CARMIL3: variants seen among roughly 807,000 people sequenced by gnomAD.
CARMIL3 encodes the protein capping protein regulator and myosin 1 linker 3, also known as capping protein, Arp2/3 and myosin-I linker protein 3.
A neutral mutation model predicts 180.8 loss-of-function variants in CARMIL3; 88 were observed. The ratio of observed to expected loss-of-function variants is 0.49; its 90% CI spans 0.41 to 0.58. CARMIL3 has a LOEUF of 0.58. CARMIL3 is among the 20% of genes least tolerant of loss of function. The pLI, the probability that CARMIL3 is intolerant of heterozygous loss-of-function variation, is 0.00. For synonymous variants in CARMIL3, 696 were observed against 714.5 expected, an observed-to-expected ratio of 0.97 and a Z score of 0.41; for missense variants, 1,548 against 1,787.0, an observed-to-expected ratio of 0.87 and a Z score of 2.41.
Position 24,063,487 on chromosome 14 carries a change from G to A in CARMIL3, c.2933G>A (p.Arg978Lys). 1 of 1,613,636 alleles carries A rather than the reference G, an allele frequency of 6.2e-7. No homozygotes were observed. The highest frequency in any genetic ancestry group is 1.1e-5 in the South Asian group (1 of 91,072). Residue 978 changes from arginine to lysine, a missense_variant, in exon 31 of 40, where the codon AGG (arginine) becomes AAG (lysine). Around this residue, in one of 4 missense-constraint regions of CARMIL3, gnomAD observed 668 missense variants for 687.8 expected, o/e 0.97. Coordinates refer to ENST00000342740, the MANE Select transcript of CARMIL3 (RefSeq NM_138360.4). ...AAACTAAGGCATCAAACACAAGGGA[G>A]GCCCCGCCCCCCCAGGACCACACCT... ...GYKLRHQTQG[R>K]PRPPRTTPPG...
rs2035844861 is a variant in CARMIL3, at chr14:24,069,663, G to A, written c.*259G>A. 3.5e-6 allele frequency: 2 copies of A among 564,668 alleles called. No homozygotes were observed. Among genetic ancestry groups the A allele is most frequent in the Non-Finnish European group, 6.3e-6 (2 of 316,250 alleles). 35.0% of individuals were successfully genotyped at this position (564,668 alleles called of 1,614,324 possible). On this transcript the variant is annotated 3_prime_UTR_variant, in exon 40 of 40. Transcript: ENST00000342740. ...GGCTTATCTCCTCCCCCAGGAGGGT[G>A]GATCTCTGTCCCTCTATCCCCAGGG... is the stretch of plus-strand genomic sequence containing the variant.
At position 24,063,646 on chromosome 14, in the gene CARMIL3, G is replaced by A. The variant is rs1013291941; in HGVS notation, c.2979+113G>A. 7 of 1,041,670 alleles carry A rather than the reference G, an allele frequency of 6.7e-6. No individual in the cohort carries two copies. The African/African-American group carries it at 9.6e-5, about 14-fold the overall frequency. 64.5% of individuals were successfully genotyped at this position (1,041,670 alleles called of 1,614,324 possible). A position where few individuals can be genotyped will look rare whatever the true frequency, so the allele number is the denominator to read the frequency against. On this transcript the variant is annotated intron_variant, in intron 31 of 39. Coordinates refer to ENST00000342740, the MANE Select transcript of CARMIL3 (RefSeq NM_138360.4). Reference sequence around the variant, plus strand: ...ACAGTAGCCTTGAGGGATTGGGCAGGAGTCCAGGCATGCCAATGAACAGAT... The same window carrying A: ...ACAGTAGCCTTGAGGGATTGGGCAGAAGTCCAGGCATGCCAATGAACAGAT...
chr14:24,054,371 G>A lies in CARMIL3; in HGVS notation c.247-25G>A, dbSNP rs1353648049. 3 of 1,613,974 alleles carry A rather than the reference G, an allele frequency of 1.9e-6. No homozygotes were observed. ...AGGGAGCAGAGAGGAGGGAGTCTGA[G>A]GCTCTGACGCTTCGTCTCCCCCAGA... On this transcript the variant is annotated intron_variant, in intron 4 of 39. Coordinates refer to ENST00000342740, the MANE Select transcript of CARMIL3 (RefSeq NM_138360.4). This position sits in a 1 kb window ranked among gnomAD's most constrained non-coding sequence, Gnocchi z 5.1.
Position 24,054,444 on chromosome 14 carries a change from G to C in CARMIL3, c.295G>C (p.Ala99Pro), listed in dbSNP as rs747201919. 4.3e-5 allele frequency: 70 copies of C among 1,614,178 alleles called. No homozygotes were observed. In the East Asian group the frequency reaches 1.4e-3, roughly 33 times the overall value. ...RGMVSMRLPS[A>P]ESVDQVTRHV... ...CATGGTGAGCATGCGACTGCCATCAGCTGAAAGTGTGGACCAGGTGACACG... is the reference window on the plus strand; with the variant it reads ...CATGGTGAGCATGCGACTGCCATCACCTGAAAGTGTGGACCAGGTGACACG... Residue 99 changes from alanine (A) to proline (P), a missense_variant, in exon 5 of 40, where the codon GCT becomes CCT. This residue lies in a region of CARMIL3 where 578 missense variants were observed against 666.5 expected (regional missense o/e 0.87). Coordinates refer to ENST00000342740, the MANE Select transcript of CARMIL3 (RefSeq NM_138360.4). This position sits in a 1 kb window ranked among gnomAD's most constrained non-coding sequence, Gnocchi z 5.1.
intron 25 of CARMIL3, 35 bp downstream of exon 25, chr14:24,060,791 C>G: frequency 6.2e-7 from 1 of 1,604,972 alleles, no homozygotes; most frequent in Non-Finnish European, 8.5e-7. Context: ...CCCCTGAAGT[C>G]TGGAGAACCC....
At chr14:24,068,538 T>C in intron 36 of CARMIL3, 46 bp from the exon 37 acceptor site, 1 of 1,531,220 alleles carries the variant, frequency 6.5e-7, no homozygotes, top group Non-Finnish European at 8.9e-7. Flanking sequence ...ACAGGAGCTA[T>C]GCAAGAATGC....
At position 24,054,219 on chromosome 14, in the gene CARMIL3, C is replaced by T. The variant is rs780918755; in HGVS notation, c.187-23C>T. ...TGGCAACCCAGGTCCTTACCAGGAG[C>T]TGAGCATCTCCATCCCTCCTAGGTG... On this transcript the variant is annotated intron_variant, in intron 3 of 39. Coordinates refer to ENST00000342740, the MANE Select transcript of CARMIL3 (RefSeq NM_138360.4). This position sits in a 1 kb window ranked among gnomAD's most constrained non-coding sequence, Gnocchi z 5.1. The T allele has an allele frequency of 5.6e-6, 9 of 1,614,054 alleles. No individual in the cohort carries two copies. The Admixed American group carries it at 1.0e-4, about 18-fold the overall frequency.
At chr14:24,068,226 G>C (rs536994532) in intron 36 of CARMIL3, among the ~76,000 whole-genome samples, 2 of 152,110 alleles carry the variant, frequency 1.3e-5, no homozygotes, top group African/African-American at 4.8e-5. Context: ...GTGAAACCCT[G>C]TCTCTACTAA....
chr14:24,055,922 C>A, intron 10 of CARMIL3, 133 bp downstream of exon 10: 1 of 848,294 alleles, frequency 1.2e-6, no homozygotes, highest in Non-Finnish European at 1.9e-6. Flanking sequence ...AGACCAAGGC[C>A]AAAAGAGGGC....
rs749066022 is a variant in CARMIL3, at chr14:24,060,030, C to T, written c.1929C>T (p.Ser643=). 41 of 1,613,844 alleles carry T rather than the reference C, an allele frequency of 2.5e-5. No homozygotes were observed. Among genetic ancestry groups the T allele is most frequent in the East Asian group, 4.5e-5 (2 of 44,888 alleles). Residue 643 remains serine, a synonymous_variant, in exon 23 of 40, where the codon AGC becomes AGT. Coordinates refer to ENST00000342740, the MANE Select transcript of CARMIL3 (RefSeq NM_138360.4). Reference sequence around the variant, plus strand: ...GCGACATCTCCCAAGCCTATCGCAGCGCGCCTGAGCGCACCGAGGACGTCT... The same window carrying T: ...GCGACATCTCCCAAGCCTATCGCAGTGCGCCTGAGCGCACCGAGGACGTCT... The part of the protein sequence containing the change: ...PVSDISQAYR[S]APERTEDVWQ...
At chr14:24,068,164 C>T (rs975189322) in intron 36 of CARMIL3, among the ~76,000 whole-genome samples, 7 of 152,228 alleles carry the variant, frequency 4.6e-5, no homozygotes, top group South Asian at 2.1e-4. Context: ...TTTGGGAGAC[C>T]GAGGTAGGTG....
chr14:24,061,095 CCTAAGCCCAGAG>C lies in CARMIL3; in HGVS notation c.2304+60_2304+71del. The stretch of plus-strand genomic sequence containing the variant: ...GTGGGAACCTAGTGTTGACTGAGGC[CCTAAGCCCAGAG>C]CTAAAGTCAGAGCTGGGAGACTTCT... On this transcript the variant is annotated intron_variant, in intron 26 of 39. Coordinates refer to ENST00000342740, the MANE Select transcript of CARMIL3 (RefSeq NM_138360.4). This position sits in a 1 kb window ranked among gnomAD's most constrained non-coding sequence, Gnocchi z 4.1. 6.8e-7 allele frequency: 1 copy of C among 1,475,962 alleles called. No homozygotes were observed. Among genetic ancestry groups the C allele is most frequent in the Admixed American group, 2.0e-5 (1 of 50,504 alleles). 91.4% of individuals were successfully genotyped at this position (1,475,962 alleles called of 1,614,324 possible). A position where few individuals can be genotyped will look rare whatever the true frequency, so the allele number is the denominator to read the frequency against.
Position 24,066,671 on chromosome 14 carries a change from T to C in CARMIL3, c.3682+15T>C, listed in dbSNP as rs770277701. On this transcript the variant is annotated intron_variant, in intron 36 of 39. Coordinates refer to ENST00000342740, the MANE Select transcript of CARMIL3 (RefSeq NM_138360.4). ...ATGGCACATAGGTATGGAAAGCCTC[T>C]TTTCAGGCAGCAGTACTGAAAGCCC... The C allele has an allele frequency of 1.2e-6, 2 of 1,612,948 alleles. No homozygotes were observed. Among genetic ancestry groups the C allele is most frequent in the Middle Eastern group, 1.6e-4 (1 of 6,062 alleles).
intron 29 of CARMIL3, 81 bp from the exon 30 acceptor site, chr14:24,063,039 A>T: frequency 6.3e-7 from 1 of 1,575,192 alleles, no homozygotes; most frequent in Non-Finnish European, 8.7e-7. Flanking sequence ...GAGGGGCAGG[A>T]TGGGCTCAAA....
At position 24,055,285 on chromosome 14, in the gene CARMIL3, T is replaced by C. The variant is rs2035660763; in HGVS notation, c.580T>C (p.Leu194=). 6.2e-7 allele frequency: 1 copy of C among 1,613,976 alleles called. No homozygotes were observed. Among genetic ancestry groups the C allele is most frequent in the Admixed American group, 1.7e-5 (1 of 59,994 alleles). ...TGAAGATAACCGGGAGTTCAATCTTTTGGATTTCAGCCACTTGGAGAGCCG... is the reference window on the plus strand; with the variant it reads ...TGAAGATAACCGGGAGTTCAATCTTCTGGATTTCAGCCACTTGGAGAGCCG... ...HAEDNREFNL[L]DFSHLESRDL... Residue 194 remains leucine, a synonymous_variant, in exon 8 of 40, where the codon TTG becomes CTG. Coordinates refer to ENST00000342740, the MANE Select transcript of CARMIL3 (RefSeq NM_138360.4).
chr14:24,061,660 A>G lies in CARMIL3; in HGVS notation c.2468A>G (p.Gln823Arg). 1 of 1,613,412 alleles carries G rather than the reference A, an allele frequency of 6.2e-7. No homozygotes were observed. Among genetic ancestry groups the G allele is most frequent in the South Asian group, 1.1e-5 (1 of 91,052 alleles). The change falls in exon 27 of 40, where the codon CAG (glutamine) becomes CGG (arginine). Residue 823 changes from glutamine to arginine, a missense_variant. By Grantham distance (43) the Gln-to-Arg change is conservative (BLOSUM62 1). Around this residue, in one of 4 missense-constraint regions of CARMIL3, gnomAD observed 297 missense variants for 415.9 expected, o/e 0.71. Transcript: ENST00000342740. This position sits in a 1 kb window ranked among gnomAD's most constrained non-coding sequence, Gnocchi z 4.1. ...CTGGAGCAAGCAGGACAGGACATTC[A>G]GAACAAGCTGGAGTGAGAGGCAAAG... The part of the protein sequence containing the change: ...ALLEQAGQDI[Q>R]NKLDEVKLSV...
At chr14:24,065,898 C>A in intron 34 of CARMIL3, 148 bp downstream of exon 34, 1 of 1,181,538 alleles carries the variant, frequency 8.5e-7, no homozygotes, top group Non-Finnish European at 1.2e-6. Context: ...GCCCCCACCA[C>A]ACACTTGCCG....
chr14:24,069,183 G>A lies in CARMIL3; in HGVS notation c.4029G>A (p.Arg1343=), dbSNP rs1237327651. The change falls in exon 39 of 40, where the codon AGG becomes AGA. Residue 1343 remains arginine, a synonymous_variant. Transcript: ENST00000342740. ...GGACTGCCCCCCTGAAGCCCAAGAG[G>A]ACACGGCGGGCACAGTCCTGTGACA... ...GRRTAPLKPK[R]TRRAQSCDKL... is the part of the protein sequence containing the mutation. 1.2e-6 allele frequency: 2 copies of A among 1,614,048 alleles called. No individual in the cohort carries two copies. The highest frequency in any genetic ancestry group is 1.7e-5 in the Admixed American group (1 of 59,994).
At chr14:24,064,093 CAAAAA>C (rs564964326) in intron 31 of CARMIL3, among the ~76,000 whole-genome samples, 148 bp from the exon 32 acceptor site, 2 of 64,190 alleles carry the variant, frequency 3.1e-5, no homozygotes, top group Admixed American at 1.6e-4. Context: ...GACTCCGTCT[CAAAAA>C]AAAAAAAAAA....
Sources: gnomAD v4.1 joint callset for allele counts (sites outside exome capture counted in the v4.1 genomes callset) on GRCh38, gnomAD v4.1.1 for gene constraint, gnomAD v4.1.1 regional missense constraint, Gnocchi (gnomAD v3.1) non-coding constraint, MANE v1.5 for transcripts, NCBI Gene and HGNC (gene_info 2026-07-23, HGNC 2026-07-21) for gene names.